CDK8: variants seen among roughly 807,000 people sequenced by gnomAD.
The protein encoded by CDK8 is cyclin dependent kinase 8.
A neutral mutation model predicts 71.5 loss-of-function variants in CDK8; 29 were observed. That is an observed-to-expected ratio of 0.41 (90% CI 0.30 to 0.55). CDK8 has a LOEUF of 0.55. Among genes scored for constraint, CDK8 ranks in the 20% least tolerant of loss-of-function variants. The pLI is 0.37. For missense variants in CDK8, 288 were observed against 572.6 expected, an observed-to-expected ratio of 0.50 and a Z score of 5.07; for synonymous variants, 161 against 192.1, an observed-to-expected ratio of 0.84 and a Z score of 1.34.
intron 12 of CDK8, 115 bp from the exon 13 acceptor site, chr13:26,403,841 C>CA: frequency 7.7e-7 from 1 of 1,298,662 alleles, no homozygotes; most frequent in Middle Eastern, 1.9e-4. Context: ...TAGTACATAG[C>CA]ACAAAACCTA....
At chr13:26,271,742 TGAG>T (rs1331860706) in intron 1 of CDK8, among the ~76,000 whole-genome samples, 6 of 147,604 alleles carry the variant, frequency 4.1e-5, no homozygotes. Context: ...TCCAGGAGCT[TGAG>T]GCGGTGGTGA....
intron 1 of CDK8, among the ~76,000 whole-genome samples, chr13:26,333,461 G>A (rs1872847782): frequency 6.6e-6 from 1 of 151,988 alleles, no homozygotes; most frequent in African/African-American, 2.4e-5. Context: ...TTTTTTTACT[G>A]TTAAGTACTT....
At chr13:26,276,235 G>C (rs1872559544) in intron 1 of CDK8, among the ~76,000 whole-genome samples, 1 of 152,032 alleles carries the variant, frequency 6.6e-6, no homozygotes, top group Non-Finnish European at 1.5e-5. Context: ...ATTTTTAAAT[G>C]GAAATATTTC....
intron 6 of CDK8, among the ~76,000 whole-genome samples, chr13:26,386,851 G>T (rs1875501615): frequency 6.6e-6 from 1 of 152,048 alleles, no homozygotes; most frequent in Admixed American, 6.6e-5. Flanking sequence ...GATCACCTGG[G>T]TTTTTTCTTT....
chr13:26,343,754 A>C (rs545693063), intron 2 of CDK8, among the ~76,000 whole-genome samples: 2 of 152,294 alleles, frequency 1.3e-5, no homozygotes, highest in East Asian at 3.9e-4. Flanking sequence ...ACTTTCTTCA[A>C]TTAACCTTAG....
chr13:26,289,060 T>G (rs1593241446), intron 1 of CDK8, among the ~76,000 whole-genome samples: 3 of 144,430 alleles, frequency 2.1e-5, no homozygotes, highest in Non-Finnish European at 4.6e-5. Context: ...AGTTTTTTTT[T>G]TTTTTTTTTT....
chr13:26,311,431 C>T (rs1874280411), intron 1 of CDK8, among the ~76,000 whole-genome samples: 2 of 152,146 alleles, frequency 1.3e-5, no homozygotes, highest in African/African-American at 2.4e-5. Flanking sequence ...GAAATTCTGA[C>T]TCAGAGTGAT....
rs115338935 is a variant in CDK8 at position 26,392,927 on chromosome 13, C to T, written c.647-440C>T. 6.4e-3 allele frequency among the ~76,000 whole-genome samples: 972 copies of T among 152,096 alleles called. 9 individuals are homozygous for T. The highest frequency in any genetic ancestry group is 0.021 in the African/African-American group (867 of 41,484). Reference sequence around the variant, plus strand: ...AAAAATTTACACTGATTATGTTAGGCGAGTGCCCAATTTCAAATACTGTTT... The same window carrying T: ...AAAAATTTACACTGATTATGTTAGGTGAGTGCCCAATTTCAAATACTGTTT... On this transcript the variant is annotated intron_variant, in intron 6 of 12. Coordinates refer to ENST00000381527, the MANE Select transcript of CDK8 (RefSeq NM_001260.3).
intron 1 of CDK8, among the ~76,000 whole-genome samples, chr13:26,286,770 C>A (rs759883178): frequency 6.6e-6 from 1 of 152,136 alleles, no homozygotes; most frequent in Admixed American, 6.5e-5. Context: ...TGACAAAGGA[C>A]TAATACCCAG....
intron 1 of CDK8, among the ~76,000 whole-genome samples, chr13:26,294,132 C>CTTTTT (rs35555772): frequency 1.4e-5 from 2 of 147,132 alleles, no homozygotes; most frequent in African/African-American, 5.0e-5. Context: ...TATTCTGCAC[C>CTTTTT]TTTTTTTTTT....
At chr13:26,276,388 G>A (rs902318291) in intron 1 of CDK8, among the ~76,000 whole-genome samples, 5 of 152,110 alleles carry the variant, frequency 3.3e-5, no homozygotes, top group African/African-American at 1.2e-4. Context: ...CATCTTATAT[G>A]TGATTTATGA....
chr13:26,254,625 C>A lies in CDK8; in HGVS notation c.-17C>A, dbSNP rs2137842426. On this transcript the variant is annotated 5_prime_UTR_variant, in exon 1 of 13. Coordinates refer to ENST00000381527, the MANE Select transcript of CDK8 (RefSeq NM_001260.3). The surrounding 1 kb of genome is among the most constrained non-coding windows in gnomAD (Gnocchi z 6.7). ...CCGGCCCCCCGACCCAGCTCTCCGG[C>A]CTCAGAGGCTGTGACAATGGACTAT... The A allele has an allele frequency of 1.3e-6, 2 of 1,584,654 alleles. No homozygotes were observed. The highest frequency in any genetic ancestry group is 1.1e-5 in the South Asian group (1 of 87,070).
At chr13:26,273,772 C>G (rs954279194) in intron 1 of CDK8, among the ~76,000 whole-genome samples, 3 of 151,274 alleles carry the variant, frequency 2.0e-5, no homozygotes, top group Non-Finnish European at 4.4e-5. Context: ...TCAGCTGTTA[C>G]TTAAAAAAAA....
At chr13:26,263,159 G>T (rs534988679) in intron 1 of CDK8, among the ~76,000 whole-genome samples, 1 of 151,536 alleles carries the variant, frequency 6.6e-6, no homozygotes, top group Admixed American at 6.6e-5. Context: ...TTTTTGAGAC[G>T]GAGTCTCGCT....
chr13:26,381,078 A>G (rs1875202888), intron 4 of CDK8, among the ~76,000 whole-genome samples: 1 of 152,336 alleles, frequency 6.6e-6, no homozygotes, highest in South Asian at 2.1e-4. Context: ...TGATGGGAAG[A>G]GATTCAAAAT....
chr13:26,373,287 T>G (rs146907984), intron 4 of CDK8, among the ~76,000 whole-genome samples: 1 of 152,300 alleles, frequency 6.6e-6, no homozygotes, highest in Non-Finnish European at 1.5e-5. Context: ...ATGTCTGTCT[T>G]CCTTATGTGA....
chr13:26,398,749 G>A (rs995998159), intron 9 of CDK8, among the ~76,000 whole-genome samples: 3 of 151,990 alleles, frequency 2.0e-5, no homozygotes, highest in Non-Finnish European at 2.9e-5. Flanking sequence ...CGAGGCGGGC[G>A]GATCACAAGG....
At chr13:26,389,788 A>G (rs1875658327) in intron 6 of CDK8, among the ~76,000 whole-genome samples, 1 of 152,028 alleles carries the variant, frequency 6.6e-6, no homozygotes, top group Non-Finnish European at 1.5e-5. Flanking sequence ...ACTTGAGGTC[A>G]GGGGTTCGAG....
At chr13:26,383,681 G>C (rs1264755035) in intron 5 of CDK8, among the ~76,000 whole-genome samples, 1 of 152,130 alleles carries the variant, frequency 6.6e-6, no homozygotes, top group Admixed American at 6.5e-5. Context: ...CAGCTGATTT[G>C]TATCACTTCA....
Sources: allele counts gnomAD v4.1 joint callset (sites outside exome capture counted in the v4.1 genomes callset), GRCh38; gene constraint gnomAD v4.1.1; non-coding constraint Gnocchi (gnomAD v3.1); transcripts MANE v1.5; gene names NCBI Gene and HGNC (gene_info 2026-07-23, HGNC 2026-07-21).